The following IGSF9 variants were observed in gnomAD, a reference collection of about 807,000 sequenced individuals.
IGSF9 encodes protein turtle homolog A.
IGSF9 carries 87 observed loss-of-function variants against 121.7 expected under a neutral mutation model. That is an observed-to-expected ratio of 0.71 (90% CI 0.60 to 0.85). IGSF9 has a LOEUF of 0.85. Among genes scored for constraint, IGSF9 ranks in the 40% least tolerant of loss-of-function variants. The pLI is 0.00. For synonymous variants in IGSF9, 640 were observed against 648.4 expected, an observed-to-expected ratio of 0.99 and a Z score of 0.20; for missense variants, 1,462 against 1,565.3, an observed-to-expected ratio of 0.93 and a Z score of 1.11.
At chr1:159,939,069 T>G (rs1651290614) in intron 3 of IGSF9, among the ~76,000 whole-genome samples, 1 of 152,076 alleles carries the variant, frequency 6.6e-6, no homozygotes, top group South Asian at 2.1e-4. Flanking sequence ...AAATCCTACC[T>G]CCTAAACATT....
At position 159,931,185 on chromosome 1, in the gene IGSF9, G is replaced by C; in HGVS notation, c.1590C>G (p.Gly530=). Residue 530 remains glycine (G), a synonymous_variant, in exon 13 of 21, where the codon GGC becomes GGG. Transcript: ENST00000368094. The surrounding 1 kb of genome is among the most constrained non-coding windows in gnomAD (Gnocchi z 4.8). ...ATCTCTGCAGATAACCACCATCAAA[G>C]CCAGGCTCCCAGGAGACATTGGCAC... ...PKGANVSWEP[G]FDGGYLQRFS... is the part of the protein sequence containing the mutation. 1 of 1,614,132 alleles carries C rather than the reference G, an allele frequency of 6.2e-7. No individual in the cohort carries two copies. The highest frequency in any genetic ancestry group is 1.3e-5 in the African/African-American group (1 of 75,040).
At chr1:159,934,932 G>T in intron 6 of IGSF9, 110 bp from the exon 7 acceptor site, 1 of 1,297,694 alleles carries the variant, frequency 7.7e-7, no homozygotes, top group Non-Finnish European at 1.1e-6. Flanking sequence ...CTTAGGGCTC[G>T]TTGTTACAGG....
In IGSF9 at chr1:159,931,270, G is replaced by A. The variant is rs756382600; in HGVS notation, c.1514-9C>T. The A allele has an allele frequency of 6.2e-7, 1 of 1,613,974 alleles. No homozygotes were observed. Among genetic ancestry groups the A allele is most frequent in the Admixed American group, 1.7e-5 (1 of 59,996 alleles). ...AACATGAGGGCTAGTGCCTAGGCAG[G>A]GGGGAATGGAGGGATGGTGGTCAGG... is the stretch of plus-strand genomic sequence containing the variant. On this transcript the variant is annotated splice_polypyrimidine_tract_variant and intron_variant, in intron 12 of 20. Transcript: ENST00000368094. The surrounding 1 kb of genome is among the most constrained non-coding windows in gnomAD (Gnocchi z 4.8).
At chr1:159,930,482 G>C in intron 14 of IGSF9, 43 bp from the exon 15 acceptor site, 1 of 1,517,004 alleles carries the variant, frequency 6.6e-7, no homozygotes, top group Non-Finnish European at 8.8e-7. Flanking sequence ...GATTCCCAGC[G>C]CCCCTCCCCT....
At chr1:159,929,567 C>A in intron 17 of IGSF9, 71 bp downstream of exon 17, 1 of 1,521,556 alleles carries the variant, frequency 6.6e-7, no homozygotes. Context: ...GGGCTTTTCC[C>A]CCAGGTAGGA....
chr1:159,934,971 C>A, intron 6 of IGSF9, 149 bp from the exon 7 acceptor site: 13 of 827,078 alleles, frequency 1.6e-5, no homozygotes, highest in Non-Finnish European at 2.2e-5. Flanking sequence ...AGAAGCTTCC[C>A]CCTGTATGTA....
Position 159,931,717 on chromosome 1 carries a change from C to A in IGSF9, c.1362+95G>T. ...CCCACCCTGCCTCTGACAGCCTTCT[C>A]CTTCCCACACCCTCCCTCCCACAAA... is the stretch of plus-strand genomic sequence containing the variant. On this transcript the variant is annotated intron_variant, in intron 11 of 20. Transcript: ENST00000368094. This position sits in a 1 kb window ranked among gnomAD's most constrained non-coding sequence, Gnocchi z 4.8. 2 of 1,485,858 alleles carry A rather than the reference C, an allele frequency of 1.3e-6. No homozygotes were observed. The highest frequency in any genetic ancestry group is 2.8e-5 in the African/African-American group (2 of 72,306). The allele number at this position is 1,485,858 out of a possible 1,614,324, so 92.0% of individuals were successfully genotyped here.
chr1:159,935,538 A>T (rs1052395838), intron 6 of IGSF9, among the ~76,000 whole-genome samples: 2 of 152,044 alleles, frequency 1.3e-5, no homozygotes, highest in African/African-American at 4.8e-5. Flanking sequence ...CCTCCTGCAA[A>T]AGCACCTCTG....
intron 1 of IGSF9, among the ~76,000 whole-genome samples, chr1:159,945,049 C>G (rs1352095072): frequency 1.3e-5 from 2 of 152,034 alleles, no homozygotes; most frequent in African/African-American, 4.8e-5. Flanking sequence ...CTTCTAGTCT[C>G]CCCACACACC....
intron 3 of IGSF9, among the ~76,000 whole-genome samples, chr1:159,941,438 C>T (rs1009129564): frequency 2.0e-5 from 3 of 152,224 alleles, no homozygotes; most frequent in African/African-American, 4.8e-5. Flanking sequence ...CCAAGAGCTC[C>T]AGACGGAGGT....
rs1650941730 is a variant in IGSF9, at chr1:159,930,254, A to G, written c.1999T>C (p.Trp667Arg). Residue 667 changes from tryptophan (W) to arginine (R), a missense_variant, in exon 15 of 21, where the codon TGG becomes CGG. Trp to Arg is a moderately radical substitution (Grantham distance 101, BLOSUM62 -3). Transcript: ENST00000368094. ...VLEGRQGSQG[W>R]EVLDPAVAGT... ...GCCACAGCCGGGTCCAGCACCTCCC[A>G]GCCCTGGGAGCCTTGCCGGCCTTCC... 6.2e-7 allele frequency: 1 copy of G among 1,613,604 alleles called. No individual in the cohort carries two copies.
intron 18 of IGSF9, 33 bp downstream of exon 18, chr1:159,929,318 G>C: frequency 1.9e-6 from 3 of 1,607,726 alleles, no homozygotes; most frequent in Non-Finnish European, 2.6e-6. Flanking sequence ...CAATGGAAAG[G>C]CAGAAGAAAG....
intron 3 of IGSF9, among the ~76,000 whole-genome samples, chr1:159,942,730 C>A (rs1651426852): frequency 7.2e-6 from 1 of 139,616 alleles, no homozygotes; most frequent in African/African-American, 2.9e-5. Context: ...AATAGCACAG[C>A]TATAAGAGTG....
At position 159,931,137 on chromosome 1, in the gene IGSF9, C is replaced by G. The variant is rs1350355213; in HGVS notation, c.1637+1G>C. 6.2e-7 allele frequency: 1 copy of G among 1,614,114 alleles called. No homozygotes were observed. The highest frequency in any genetic ancestry group is 1.3e-5 in the African/African-American group (1 of 75,046). On this transcript the variant is annotated splice_donor_variant, in intron 13 of 20. Transcript: ENST00000368094. LOFTEE classifies it high-confidence loss of function. The surrounding 1 kb of genome is among the most constrained non-coding windows in gnomAD (Gnocchi z 4.8). ...AGAAATGGCAGGAGCAGGTCACTCA[C>G]AGTGGGGTGTACCAGACACTGAATC... is the stretch of plus-strand genomic sequence containing the variant.
chr1:159,936,882 G>A lies in IGSF9; in HGVS notation c.427C>T (p.Pro143Ser). Reference protein sequence around the residue: ...NSPPQFQETPPAVLEVQELEP... With the variant: ...NSPPQFQETPSAVLEVQELEP... ...AGTTCCTGCACTTCCAACACAGCAG[G>A]AGGTGTCTCCTGGAATTGAGGGGGT... The change falls in exon 5 of 21, where the codon CCT becomes TCT. Residue 143 changes from proline (P) to serine (S), a missense_variant. Pro to Ser is a moderately conservative substitution (Grantham distance 74). Transcript: ENST00000368094. The A allele has an allele frequency of 6.2e-7, 1 of 1,614,244 alleles. No individual in the cohort carries two copies.
At chr1:159,933,234 T>A (rs1187401772) in intron 9 of IGSF9, 5 of 152,842 alleles carry the variant, frequency 3.3e-5, no homozygotes, top group Admixed American at 3.3e-4. Flanking sequence ...CTATGTCCAG[T>A]ATCTCCCGCT....
At chr1:159,935,194 T>C (rs1651141701) in intron 6 of IGSF9, among the ~76,000 whole-genome samples, 2 of 152,128 alleles carry the variant, frequency 1.3e-5, no homozygotes, top group Middle Eastern at 3.4e-3. Flanking sequence ...GCCCAATACC[T>C]CACCTCAAGA....
rs754099072 is a variant in IGSF9, at chr1:159,943,056, G to C, written c.154C>G (p.Leu52Val). 9 of 1,611,490 alleles carry C rather than the reference G, an allele frequency of 5.6e-6. No individual in the cohort carries two copies. The highest frequency in any genetic ancestry group is 7.6e-6 in the Non-Finnish European group (9 of 1,178,814). ...DLLPPAGRPPLHVIEWLRFGF... is the reference protein window; with the variant it reads ...DLLPPAGRPPVHVIEWLRFGF... ...AAGCGCAGCCACTCGATGACATGCAGGGGGGGCCGGCCGGCCGGGGGCAGC... is the reference window on the plus strand; with the variant it reads ...AAGCGCAGCCACTCGATGACATGCACGGGGGGCCGGCCGGCCGGGGGCAGC... The change falls in exon 3 of 21, where the codon CTG (leucine) becomes GTG (valine). Residue 52 changes from leucine to valine, a missense_variant. Physicochemically the swap from Leu to Val is conservative, Grantham distance 32. Coordinates refer to ENST00000368094, the MANE Select transcript of IGSF9 (RefSeq NM_001135050.2).
chr1:159,927,987 A>G, intron 19 of IGSF9, 100 bp from the exon 20 acceptor site: 2 of 1,504,540 alleles, frequency 1.3e-6, no homozygotes, highest in South Asian at 1.3e-5. Flanking sequence ...ACGTTAGGTC[A>G]TGGGTTTCCC....
Sources: gnomAD v4.1 joint callset for allele counts (sites outside exome capture counted in the v4.1 genomes callset) on GRCh38, gnomAD v4.1.1 for gene constraint, Gnocchi (gnomAD v3.1) non-coding constraint, MANE v1.5 for transcripts, NCBI Gene and HGNC (gene_info 2026-07-23, HGNC 2026-07-21) for gene names.